CNTNAP2: variants seen among roughly 807,000 people sequenced by gnomAD.
CNTNAP2 encodes the protein contactin-associated protein-like 2.
A neutral mutation model predicts 155.2 loss-of-function variants in CNTNAP2; 98 were observed. That is an observed-to-expected ratio of 0.63 (90% CI 0.54 to 0.75). CNTNAP2 has a LOEUF of 0.75. Ranked by LOEUF, CNTNAP2 falls within the 30% of genes least tolerant of loss-of-function variation. The pLI, the probability that CNTNAP2 is intolerant of heterozygous loss-of-function variation, is 0.00. For synonymous variants in CNTNAP2, 651 were observed against 631.2 expected (o/e 1.03, Z -0.47); for missense variants, 1,727 against 1,688.1 (o/e 1.02, Z -0.40).
At position 147,977,760 on chromosome 7, in the gene CNTNAP2, G is replaced by T. The variant is rs1189423334; in HGVS notation, c.2256-102G>T. 15 of 1,517,208 alleles carry T rather than the reference G, an allele frequency of 9.9e-6. No homozygotes were observed. In the South Asian group the frequency reaches 1.7e-4, roughly 17 times the overall value. 94.0% of individuals were successfully genotyped at this position (1,517,208 alleles called of 1,614,324 possible). ...GGCTTTACTTAGTAAACTTCCAAAC[G>T]ATTACTGAAATGTCATCATTAGACA... On this transcript the variant is annotated intron_variant, in intron 14 of 23. Coordinates refer to ENST00000361727, the MANE Select transcript of CNTNAP2 (RefSeq NM_014141.6).
chr7:146,545,913 G>C (rs1257610054), intron 1 of CNTNAP2, among the ~76,000 whole-genome samples: 8 of 151,894 alleles, frequency 5.3e-5, no homozygotes, highest in Non-Finnish European at 1.0e-4. Context: ...ACAATATTCA[G>C]AGGTTTTATG....
chr7:146,800,860 A>C (rs1802863999), intron 2 of CNTNAP2, among the ~76,000 whole-genome samples: 1 of 152,128 alleles, frequency 6.6e-6, no homozygotes, highest in Admixed American at 6.5e-5. Context: ...TACAGTGAGC[A>C]AAGAAGGTGT....
intron 1 of CNTNAP2, among the ~76,000 whole-genome samples, chr7:146,260,691 C>T (rs1348640379): frequency 1.3e-5 from 2 of 152,168 alleles, no homozygotes; most frequent in Non-Finnish European, 2.9e-5. Context: ...CGTGCCTGCA[C>T]CCCCACTCTA....
At chr7:147,225,591 C>T (rs1307495643) in intron 8 of CNTNAP2, among the ~76,000 whole-genome samples, 1 of 152,054 alleles carries the variant, frequency 6.6e-6, no homozygotes, top group African/African-American at 2.4e-5. Flanking sequence ...TTTTAAAGAA[C>T]ATATTAAATT....
chr7:146,878,045 C>A (rs1341123356), intron 3 of CNTNAP2, among the ~76,000 whole-genome samples: 1 of 152,066 alleles, frequency 6.6e-6, no homozygotes, highest in Non-Finnish European at 1.5e-5. Flanking sequence ...AAAATGTCTC[C>A]TGGAAACACA....
intron 9 of CNTNAP2, among the ~76,000 whole-genome samples, chr7:147,362,265 G>A (rs532038510): frequency 1.3e-5 from 2 of 152,016 alleles, no homozygotes; most frequent in African/African-American, 2.4e-5. Flanking sequence ...TTCAAGTAGC[G>A]GGGATTACAG....
intron 1 of CNTNAP2, among the ~76,000 whole-genome samples, chr7:146,135,326 G>T (rs191659845): frequency 3.3e-5 from 5 of 152,046 alleles, no homozygotes; most frequent in Non-Finnish European, 5.9e-5. Flanking sequence ...TCAGAAAGAT[G>T]TAGATACTCC....
At chr7:147,732,151 T>C (rs1299479787) in intron 13 of CNTNAP2, among the ~76,000 whole-genome samples, 2 of 151,414 alleles carry the variant, frequency 1.3e-5, no homozygotes, top group African/African-American at 4.9e-5. Flanking sequence ...ACTGGTCATT[T>C]ACATTAGGTA....
intron 21 of CNTNAP2, among the ~76,000 whole-genome samples, chr7:148,370,749 C>A (rs1798873004): frequency 6.6e-6 from 1 of 152,176 alleles, no homozygotes; most frequent in Non-Finnish European, 1.5e-5. Context: ...CACACCTACC[C>A]TGGCAGACTT....
At chr7:147,962,816 G>T (rs1020304130) in intron 14 of CNTNAP2, among the ~76,000 whole-genome samples, 8 of 152,084 alleles carry the variant, frequency 5.3e-5, no homozygotes, top group Non-Finnish European at 7.4e-5. Context: ...ATAAGTTAGG[G>T]AACTTGCCCA....
intron 13 of CNTNAP2, among the ~76,000 whole-genome samples, chr7:147,659,047 C>T (rs1452325695): frequency 1.3e-5 from 2 of 152,160 alleles, no homozygotes; most frequent in African/African-American, 4.8e-5. Flanking sequence ...GTTTTCCAAT[C>T]CTACATCTCT....
At chr7:146,238,812 C>A (rs563781982) in intron 1 of CNTNAP2, among the ~76,000 whole-genome samples, 2 of 152,248 alleles carry the variant, frequency 1.3e-5, no homozygotes, top group South Asian at 4.2e-4. Flanking sequence ...AGGCAAGGCA[C>A]CTTCTTCACA....
chr7:148,327,211 G>A (rs1441773142), intron 21 of CNTNAP2, among the ~76,000 whole-genome samples: 1 of 152,176 alleles, frequency 6.6e-6, no homozygotes, highest in Non-Finnish European at 1.5e-5. Context: ...AGCTAGACTG[G>A]CCTGCAGGGG....
chr7:146,763,206 T>C (rs1802134847), intron 1 of CNTNAP2, among the ~76,000 whole-genome samples: 1 of 152,154 alleles, frequency 6.6e-6, no homozygotes, highest in African/African-American at 2.4e-5. Context: ...CCTCTGAACA[T>C]ACCCACCTTG....
At chr7:147,978,645 C>T (rs2116866230) in intron 15 of CNTNAP2, among the ~76,000 whole-genome samples, 1 of 152,244 alleles carries the variant, frequency 6.6e-6, no homozygotes, top group East Asian at 1.9e-4. Flanking sequence ...GTTTGATACC[C>T]TTCGGTGTGC....
chr7:146,262,683 A>G (rs1429121304), intron 1 of CNTNAP2, among the ~76,000 whole-genome samples: 1 of 152,202 alleles, frequency 6.6e-6, no homozygotes, highest in Admixed American at 6.5e-5. Context: ...TATTTAATCA[A>G]AGTTTAGTAA....
At chr7:146,445,550 C>T (rs1796390859) in intron 1 of CNTNAP2, among the ~76,000 whole-genome samples, 1 of 152,132 alleles carries the variant, frequency 6.6e-6, no homozygotes, top group Non-Finnish European at 1.5e-5. Flanking sequence ...TTGTTCAAAA[C>T]AAGAAAGCAT....
chr7:146,132,527 C>A (rs1281530998), intron 1 of CNTNAP2, among the ~76,000 whole-genome samples: 1 of 151,036 alleles, frequency 6.6e-6, no homozygotes, highest in Non-Finnish European at 1.5e-5. Context: ...AACTCGTCAT[C>A]TAGCATTAGG....
chr7:147,168,215 C>A (rs1345720385), intron 8 of CNTNAP2, among the ~76,000 whole-genome samples: 1 of 150,646 alleles, frequency 6.6e-6, no homozygotes, highest in Non-Finnish European at 1.5e-5. Flanking sequence ...TTTGACATTA[C>A]ATATGCATGT....
Sources: allele counts gnomAD v4.1 joint callset (sites outside exome capture counted in the v4.1 genomes callset), GRCh38; gene constraint gnomAD v4.1.1; transcripts MANE v1.5; gene names NCBI Gene and HGNC (gene_info 2026-07-23, HGNC 2026-07-21).